The following DNM2 variants were observed in gnomAD, a reference collection of about 807,000 sequenced individuals.
DNM2 encodes dynamin-2.
Under a neutral mutation model 99.0 loss-of-function variants are expected in DNM2, and 15 were observed. That is an observed-to-expected ratio of 0.15 (90% CI 0.10 to 0.23). DNM2 has a LOEUF of 0.23. DNM2 is among the 10% of genes least tolerant of loss of function. DNM2 has a pLI of 1.00. For synonymous variants in DNM2, 525 were observed against 481.2 expected (o/e 1.09, Z -1.19); for missense variants, 742 against 1,189.4 (o/e 0.62, Z 5.53).
chr19:10,783,691 T>A (rs2071453334), intron 6 of DNM2, among the ~76,000 whole-genome samples: 1 of 134,464 alleles, frequency 7.4e-6, no homozygotes, highest in Admixed American at 7.4e-5. Flanking sequence ...ATTATTATTA[T>A]TATTATTATT....
Position 10,811,405 on chromosome 19 carries a change from C to T in DNM2, c.1558-859C>T, listed in dbSNP as rs1309695418. On this transcript the variant is annotated intron_variant, in intron 14 of 20. Transcript: ENST00000389253. This position sits in a 1 kb window ranked among gnomAD's most constrained non-coding sequence, Gnocchi z 5.4. ...GAGGCCCCATCTCTGGCGCTCCTGC[C>T]GTGCCGTGCCCTGCCATGCCCTGCA... is the stretch of plus-strand genomic sequence containing the variant. 6 of 288,512 alleles carry T rather than the reference C, an allele frequency of 2.1e-5. No individual in the cohort carries two copies. The highest frequency in any genetic ancestry group is 1.0e-4 in the East Asian group (1 of 9,910). The allele number at this position is 288,512 out of a possible 1,614,324, so 17.9% of individuals were successfully genotyped here. A position where few individuals can be genotyped will look rare whatever the true frequency, so the allele number is the denominator to read the frequency against.
At chr19:10,806,063 G>A in intron 13 of DNM2, 96 bp downstream of exon 13, 1 of 1,498,654 alleles carries the variant, frequency 6.7e-7, no homozygotes, top group African/African-American at 1.4e-5. Flanking sequence ...CCTGTGTAAA[G>A]CCCCACCCCA....
chr19:10,795,045 CGA>C lies in DNM2; in HGVS notation c.1129-325_1129-324del, dbSNP rs2071885605. Among the ~76,000 whole-genome samples, 1 of 152,068 alleles carries C rather than the reference CGA, an allele frequency of 6.6e-6. No homozygotes were observed. The highest frequency in any genetic ancestry group is 2.1e-4 in the South Asian group (1 of 4,824). On this transcript the variant is annotated intron_variant, in intron 8 of 20. Transcript: ENST00000389253. This position sits in a 1 kb window ranked among gnomAD's most constrained non-coding sequence, Gnocchi z 4.2. ...GGATGATCCTCCCACCTCAGCCTCC[CGA>C]GTAGCTGGGACTATAGGCGTGCACC...
intron 2 of DNM2, among the ~76,000 whole-genome samples, chr19:10,769,626 TG>T (rs990272180): frequency 3.2e-4 from 48 of 152,060 alleles, no homozygotes; most frequent in African/African-American, 1.1e-3. Context: ...AGATTTGCTG[TG>T]GGGGGTTGGG....
intron 7 of DNM2, 75 bp from the exon 8 acceptor site, chr19:10,793,645 G>C (rs1026404849): frequency 2.5e-5 from 40 of 1,613,414 alleles, no homozygotes; most frequent in Non-Finnish European, 1.2e-5. Flanking sequence ...GTAAACCCTG[G>C]CTTGACTTGG....
chr19:10,784,110 G>A (rs1428894921), intron 6 of DNM2, among the ~76,000 whole-genome samples: 1 of 152,112 alleles, frequency 6.6e-6, no homozygotes, highest in African/African-American at 2.4e-5. Context: ...GCTCCTCCTC[G>A]CTGTTTTCTA....
chr19:10,788,248 AAAAG>A (rs1008810945), intron 7 of DNM2, among the ~76,000 whole-genome samples: 14 of 151,964 alleles, frequency 9.2e-5, no homozygotes, highest in African/African-American at 3.1e-4. Flanking sequence ...AAAAAAAAAA[AAAAG>A]AAGTTGAGTG....
At chr19:10,799,540 T>C (rs527291123) in intron 11 of DNM2, among the ~76,000 whole-genome samples, 1 of 150,380 alleles carries the variant, frequency 6.6e-6, no homozygotes, top group Non-Finnish European at 1.5e-5. Context: ...TTTTGTTTTT[T>C]TTTTTTTTTT....
chr19:10,744,031 G>A (rs966370864), intron 1 of DNM2, among the ~76,000 whole-genome samples: 6 of 151,274 alleles, frequency 4.0e-5, no homozygotes, highest in Non-Finnish European at 5.9e-5. Context: ...GGTAGCATAC[G>A]CCCGTAGTCC....
chr19:10,784,144 G>A (rs762739592), intron 6 of DNM2, among the ~76,000 whole-genome samples: 1 of 152,148 alleles, frequency 6.6e-6, no homozygotes, highest in Non-Finnish European at 1.5e-5. Context: ...TGGCAGCAGG[G>A]CCTCAGCAGC....
At chr19:10,722,889 C>T (rs1020338061) in intron 1 of DNM2, among the ~76,000 whole-genome samples, 2 of 151,654 alleles carry the variant, frequency 1.3e-5, no homozygotes, top group Non-Finnish European at 2.9e-5. Flanking sequence ...AGTCTCCCAA[C>T]GTGCTGGCAT....
intron 7 of DNM2, among the ~76,000 whole-genome samples, chr19:10,791,713 G>C (rs7254425): frequency 0.33 from 50,560 of 151,410 alleles, 8,650 homozygotes; most frequent in East Asian, 0.56. Flanking sequence ...CCCTCCCCCC[G>C]TCGCCCAGTC....
At chr19:10,815,286 G>A (rs1020745170) in intron 15 of DNM2, among the ~76,000 whole-genome samples, 1 of 152,236 alleles carries the variant, frequency 6.6e-6, no homozygotes, top group African/African-American at 2.4e-5. Flanking sequence ...TGTGGGAACT[G>A]TGAGTCCAGC....
At chr19:10,743,132 C>T (rs2069820994) in intron 1 of DNM2, among the ~76,000 whole-genome samples, 1 of 151,828 alleles carries the variant, frequency 6.6e-6, no homozygotes, top group African/African-American at 2.4e-5. Context: ...TCTTGAACTC[C>T]TGAGCTCAGG....
rs2071917369 is a variant in DNM2 at position 10,795,977 on chromosome 19, C to T, written c.1196+538C>T. ...CACAACCTTCATTCCTTGTTGGGGA[C>T]CCGGCCAGGGCCAATGAAATTGCTG... On this transcript the variant is annotated intron_variant, in intron 9 of 20. Transcript: ENST00000389253. The surrounding 1 kb of genome is among the most constrained non-coding windows in gnomAD (Gnocchi z 4.2). 2 of 1,602,010 alleles carry T rather than the reference C, an allele frequency of 1.2e-6. No individual in the cohort carries two copies. Among genetic ancestry groups the T allele is most frequent in the Non-Finnish European group, 8.5e-7 (1 of 1,176,164 alleles).
At position 10,829,031 on chromosome 19, in the gene DNM2, C is replaced by T. The variant is rs377150057; in HGVS notation, c.2059-5C>T. On this transcript the variant is annotated splice_region_variant and splice_polypyrimidine_tract_variant and intron_variant, in intron 18 of 20. Coordinates refer to ENST00000389253, the MANE Select transcript of DNM2 (RefSeq NM_001005361.3). ...AGCCTGACCCTCCCCAACCCCTGCC[C>T]GCAGACGAAGGCCTTCATCCACCAC... The T allele has an allele frequency of 1.3e-4, 210 of 1,611,902 alleles. No homozygotes were observed. In the African/African-American group the frequency reaches 2.5e-3, roughly 19 times the overall value.
chr19:10,756,599 C>T (rs2070393743), intron 1 of DNM2, among the ~76,000 whole-genome samples: 4 of 152,186 alleles, frequency 2.6e-5, no homozygotes, highest in Non-Finnish European at 5.9e-5. Flanking sequence ...TTGTCATCCT[C>T]AGGAGTGTGG....
intron 17 of DNM2, chr19:10,824,812 AAAAC>A (rs946994167): frequency 1.4e-5 from 8 of 565,998 alleles, no homozygotes; most frequent in Non-Finnish European, 2.5e-5. Context: ...GTGTCAAAAA[AAAAC>A]AAAACAAAAA....
At chr19:10,788,968 T>C (rs2071657640) in intron 7 of DNM2, among the ~76,000 whole-genome samples, 1 of 152,232 alleles carries the variant, frequency 6.6e-6, no homozygotes, top group Non-Finnish European at 1.5e-5. Flanking sequence ...AGTGCTTTTA[T>C]GCTCAGACAG....
Sources: gnomAD v4.1 joint callset for allele counts (sites outside exome capture counted in the v4.1 genomes callset) on GRCh38, gnomAD v4.1.1 for gene constraint, Gnocchi (gnomAD v3.1) non-coding constraint, MANE v1.5 for transcripts, NCBI Gene and HGNC (gene_info 2026-07-23, HGNC 2026-07-21) for gene names.